Variants in MPHOSPH9 observed in about 807,000 individuals in gnomAD.
The protein encoded by MPHOSPH9 is M-phase phosphoprotein 9.
MPHOSPH9 carries 88 observed loss-of-function variants against 145.5 expected under a neutral mutation model. That is an observed-to-expected ratio of 0.60 (90% CI 0.51 to 0.72). The LOEUF (loss-of-function observed/expected upper bound fraction) is 0.72, where lower values mean the gene tolerates loss of function less well. Among genes scored for constraint, MPHOSPH9 ranks in the 30% least tolerant of loss-of-function variants. The probability of loss-of-function intolerance (pLI) is 0.00; values close to 1 mark genes in which losing one functional copy is unlikely to be tolerated. For synonymous variants in MPHOSPH9, 435 were observed against 486.2 expected (o/e 0.89, Z 1.39); for missense variants, 1,238 against 1,386.6 (o/e 0.89, Z 1.70).
chr12:123,232,258 G>A (rs918415180), intron 1 of MPHOSPH9, among the ~76,000 whole-genome samples: 3 of 151,954 alleles, frequency 2.0e-5, no homozygotes, highest in Non-Finnish European at 4.4e-5. Context: ...TCCGGATGCA[G>A]ATCCAGATGG....
At chr12:123,164,173 G>C in intron 18 of MPHOSPH9, 83 bp from the exon 19 acceptor site, 1 of 1,436,694 alleles carries the variant, frequency 7.0e-7, no homozygotes, top group Non-Finnish European at 9.7e-7. Flanking sequence ...TTAACAGGTG[G>C]TTACACATGG....
At chr12:123,197,734 A>C (rs1423355647) in intron 12 of MPHOSPH9, among the ~76,000 whole-genome samples, 1 of 150,304 alleles carries the variant, frequency 6.7e-6, no homozygotes, top group East Asian at 2.0e-4. Flanking sequence ...GTGAGCTGAG[A>C]TCGCGCAACT....
At chr12:123,206,288 T>C (rs2046427087) in intron 8 of MPHOSPH9, among the ~76,000 whole-genome samples, 2 of 109,932 alleles carry the variant, frequency 1.8e-5, no homozygotes, top group South Asian at 7.4e-4. Flanking sequence ...TTGCCTCTAC[T>C]AAAAACAAAC....
exon 1 of MPHOSPH9, chr12:123,243,894 C>T (rs1172313103): frequency 1.3e-5 from 2 of 152,182 alleles, no homozygotes; most frequent in Non-Finnish European, 2.9e-5. Context: ...CCTGCTTCCT[C>T]CTCAGTGGGT....
intron 8 of MPHOSPH9, among the ~76,000 whole-genome samples, chr12:123,204,141 A>G (rs1038957853): frequency 6.6e-6 from 1 of 152,136 alleles, no homozygotes; most frequent in Non-Finnish European, 1.5e-5. Context: ...TGTCTCTACT[A>G]AAAATACAAA....
At chr12:123,227,033 A>G (rs1271864927) in intron 3 of MPHOSPH9, among the ~76,000 whole-genome samples, 1 of 152,238 alleles carries the variant, frequency 6.6e-6, no homozygotes, top group Non-Finnish European at 1.5e-5. Context: ...AATGCAATGT[A>G]TCACAGCTGA....
chr12:123,223,455 C>T lies in MPHOSPH9; in HGVS notation c.259-328G>A, dbSNP rs1198253343. Among the ~76,000 whole-genome samples, 5 of 152,222 alleles carry T rather than the reference C, an allele frequency of 3.3e-5. No homozygotes were observed. In the East Asian group the frequency reaches 7.7e-4, roughly 23 times the overall value. ...CCACTCCTAAGCTCTCCTTAGACGG[C>T]TCTGCACTGTCTGTCTCCTACGCAC... On this transcript the variant is annotated intron_variant, in intron 3 of 23. Transcript: ENST00000606320.
chr12:123,169,011 A>G (rs192437801), intron 16 of MPHOSPH9, among the ~76,000 whole-genome samples: 6 of 151,448 alleles, frequency 4.0e-5, no homozygotes, highest in African/African-American at 7.3e-5. Context: ...CAGACTCCCG[A>G]GTAGCTGGGA....
chr12:123,218,507 A>T lies in MPHOSPH9; in HGVS notation c.873-8T>A, dbSNP rs759486694. ...CATGATGTTATAGCATTACTATTTA[A>T]GAAGAGAAAACCAAAATTACTTTTT... On this transcript the variant is annotated splice_polypyrimidine_tract_variant and splice_region_variant and intron_variant, in intron 5 of 23. Coordinates refer to ENST00000606320, the MANE Select transcript of MPHOSPH9 (RefSeq NM_022782.4). 1.2e-6 allele frequency: 2 copies of T among 1,608,510 alleles called. No homozygotes were observed. The highest frequency in any genetic ancestry group is 2.2e-5 in the South Asian group (2 of 89,406).
chr12:123,167,864 A>G (rs2137941837), intron 16 of MPHOSPH9, among the ~76,000 whole-genome samples: 1 of 151,966 alleles, frequency 6.6e-6, no homozygotes, highest in African/African-American at 2.4e-5. Context: ...TTTTCTCCAC[A>G]CCTATGCCTG....
At chr12:123,204,737 T>C (rs1244076861) in intron 8 of MPHOSPH9, among the ~76,000 whole-genome samples, 21 of 151,600 alleles carry the variant, frequency 1.4e-4, no homozygotes, top group Non-Finnish European at 4.4e-5. Flanking sequence ...TAGCTGGGAG[T>C]GGTGGCGCAG....
chr12:123,157,100 A>T (rs1271256041), intron 23 of MPHOSPH9, among the ~76,000 whole-genome samples, 192 bp from the exon 24 acceptor site: 1 of 152,240 alleles, frequency 6.6e-6, no homozygotes, highest in Non-Finnish European at 1.5e-5. Context: ...ACTATTCCAA[A>T]TAACTGCTGT....
chr12:123,162,347 T>C, intron 20 of MPHOSPH9, 129 bp from the exon 21 acceptor site: 1 of 434,952 alleles, frequency 2.3e-6, no homozygotes, highest in Non-Finnish European at 4.0e-6. Context: ...AAGCTGGTTA[T>C]GTAATTGTCT....
Position 123,221,607 on chromosome 12 carries a change from T to C in MPHOSPH9, c.637A>G (p.Lys213Glu). 1 of 1,614,208 alleles carries C rather than the reference T, an allele frequency of 6.2e-7. No individual in the cohort carries two copies. Among genetic ancestry groups the C allele is most frequent in the Non-Finnish European group, 8.5e-7 (1 of 1,180,028 alleles). ...TGCTCCATGAACTCCTTAGGGTCTT[T>C]AGATTTGTACAGATTTAATTCTGAG... The part of the protein sequence containing the change: ...CISELNLYKS[K>E]DPKEFMEHID... Residue 213 changes from lysine (K) to glutamate (E), a missense_variant, in exon 5 of 24, where the codon AAA (lysine) becomes GAA (glutamate). This residue lies in a region of MPHOSPH9 where 837 missense variants were observed against 897.5 expected (regional missense o/e 0.93). Coordinates refer to ENST00000606320, the MANE Select transcript of MPHOSPH9 (RefSeq NM_022782.4).
chr12:123,158,145 A>G (rs988856811), intron 23 of MPHOSPH9, among the ~76,000 whole-genome samples: 22 of 152,098 alleles, frequency 1.4e-4, no homozygotes, highest in Non-Finnish European at 3.2e-4. Flanking sequence ...GCCCACCACC[A>G]TGCCCGGCTC....
intron 1 of MPHOSPH9, among the ~76,000 whole-genome samples, chr12:123,242,256 AG>A (rs768835740): frequency 2.0e-4 from 30 of 152,182 alleles, no homozygotes; most frequent in Non-Finnish European, 3.5e-4. Context: ...AGTAGAGCCT[AG>A]GGAGTCAGGG....
chr12:123,224,173 C>T (rs2047341842), intron 3 of MPHOSPH9, among the ~76,000 whole-genome samples: 2 of 135,956 alleles, frequency 1.5e-5, no homozygotes, highest in Admixed American at 7.7e-5. Flanking sequence ...CTTGCTCTGT[C>T]GCCCAGACTG....
downstream of MPHOSPH9, among the ~76,000 whole-genome samples, chr12:123,153,605 C>G (rs552596701): frequency 6.6e-6 from 1 of 151,736 alleles, no homozygotes; most frequent in East Asian, 1.9e-4. Flanking sequence ...CCGTCTCTAC[C>G]GAAAATACAA....
At chr12:123,153,764 C>CAAAAAA (rs57564688), downstream of MPHOSPH9, among the ~76,000 whole-genome samples, 14 of 109,300 alleles carry the variant, frequency 1.3e-4, no homozygotes, top group African/African-American at 3.3e-4. Context: ...GACTCCATCT[C>CAAAAAA]AAAAAAAAAA....
Sources: gnomAD v4.1 joint callset for allele counts (sites outside exome capture counted in the v4.1 genomes callset) on GRCh38, gnomAD v4.1.1 for gene constraint, gnomAD v4.1.1 regional missense constraint, MANE v1.5 for transcripts, NCBI Gene and HGNC (gene_info 2026-07-23, HGNC 2026-07-21) for gene names.